The following PDHX variants were observed in gnomAD, a reference collection of about 807,000 sequenced individuals.
The protein encoded by PDHX is pyruvate dehydrogenase protein X component, mitochondrial.
Under a neutral mutation model 55.3 loss-of-function variants are expected in PDHX, and 33 were observed. The ratio of observed to expected loss-of-function variants is 0.60; its 90% CI spans 0.45 to 0.80. The LOEUF (loss-of-function observed/expected upper bound fraction) is 0.80, where lower values mean the gene tolerates loss of function less well. Among genes scored for constraint, PDHX ranks in the 30% least tolerant of loss-of-function variants. The pLI, the probability that PDHX is intolerant of heterozygous loss-of-function variation, is 0.00. For missense variants in PDHX, 622 were observed against 619.9 expected, an observed-to-expected ratio of 1.00 and a Z score of -0.04; for synonymous variants, 226 against 219.4, an observed-to-expected ratio of 1.03 and a Z score of -0.27.
intron 10 of PDHX, among the ~76,000 whole-genome samples, chr11:34,994,087 T>C (rs1855811412): frequency 6.6e-6 from 1 of 152,214 alleles, no homozygotes; most frequent in African/African-American, 2.4e-5. Flanking sequence ...ATATGAGAAA[T>C]GCATTGTTAG....
At chr11:34,967,307 T>A (rs11032956) in intron 6 of PDHX, among the ~76,000 whole-genome samples, 8,165 of 152,278 alleles carry the variant, frequency 0.054, 319 homozygotes, top group African/African-American at 0.11. Context: ...GTTTTACAGA[T>A]TTCCTATCAG....
intron 3 of PDHX, among the ~76,000 whole-genome samples, chr11:34,953,851 G>A (rs1051899996): frequency 1.1e-4 from 16 of 152,166 alleles, no homozygotes; most frequent in Non-Finnish European, 2.1e-4. Context: ...TCAGAAGGTT[G>A]TTAGGATTAA....
At chr11:34,991,553 C>T (rs576504399) in intron 9 of PDHX, among the ~76,000 whole-genome samples, 8 of 152,030 alleles carry the variant, frequency 5.3e-5, no homozygotes, top group South Asian at 4.2e-4. Context: ...AAGATAAAAA[C>T]GGAATGTTGG....
chr11:34,980,415 A>T (rs1305732473), intron 8 of PDHX, among the ~76,000 whole-genome samples: 2 of 142,694 alleles, frequency 1.4e-5, no homozygotes, highest in Non-Finnish European at 3.0e-5. Flanking sequence ...AAGCTTCCAC[A>T]GCATGGAAGG....
chr11:34,939,068 T>C (rs894055345), intron 2 of PDHX, among the ~76,000 whole-genome samples: 4 of 152,234 alleles, frequency 2.6e-5, no homozygotes, highest in East Asian at 1.9e-4. Flanking sequence ...TTAACACTTA[T>C]TTACTGTATA....
intron 2 of PDHX, among the ~76,000 whole-genome samples, chr11:34,940,919 T>TTTA (rs2133956033): frequency 6.6e-6 from 1 of 152,378 alleles, no homozygotes; most frequent in Admixed American, 6.5e-5. Flanking sequence ...TTATATTCCA[T>TTTA]CATTATGCGT....
chr11:34,933,292 A>G (rs569390035), intron 2 of PDHX, among the ~76,000 whole-genome samples: 35 of 152,188 alleles, frequency 2.3e-4, no homozygotes, highest in Non-Finnish European at 4.1e-4. Flanking sequence ...TTACATAACC[A>G]TACAGAGAGG....
intron 1 of PDHX, among the ~76,000 whole-genome samples, chr11:34,923,353 T>G (rs1377688400): frequency 6.6e-6 from 1 of 152,186 alleles, no homozygotes; most frequent in African/African-American, 2.4e-5. Flanking sequence ...AGAGATTTCT[T>G]GGGAATATAT....
At chr11:34,970,105 G>C in intron 6 of PDHX, 34 bp from the exon 7 acceptor site, 1 of 1,601,364 alleles carries the variant, frequency 6.2e-7, no homozygotes, top group South Asian at 1.1e-5. Context: ...TATTCCACTT[G>C]TGGTTTAACG....
intron 9 of PDHX, 132 bp from the exon 10 acceptor site, chr11:34,992,183 T>C: frequency 1.6e-6 from 1 of 613,082 alleles, no homozygotes. Flanking sequence ...GAGAAAATTA[T>C]TTTTATATAG....
At chr11:34,934,944 AT>A (rs1294714093) in intron 2 of PDHX, among the ~76,000 whole-genome samples, 2 of 149,704 alleles carry the variant, frequency 1.3e-5, no homozygotes, top group Admixed American at 6.6e-5. Flanking sequence ...AAAAAAAAAA[AT>A]CTCACCTATA....
chr11:34,993,850 A>G (rs545356153), intron 10 of PDHX, among the ~76,000 whole-genome samples: 19 of 152,154 alleles, frequency 1.2e-4, no homozygotes, highest in Non-Finnish European at 2.2e-4. Context: ...TCCTTACAGT[A>G]TTGAGTATTC....
chr11:34,981,240 A>G (rs1198064404), intron 8 of PDHX, among the ~76,000 whole-genome samples: 2 of 152,146 alleles, frequency 1.3e-5, no homozygotes, highest in Non-Finnish European at 2.9e-5. Context: ...TATGAGTGAC[A>G]ACATGCGGTG....
intron 2 of PDHX, among the ~76,000 whole-genome samples, chr11:34,932,866 T>G (rs554507979): frequency 2.0e-5 from 3 of 152,106 alleles, no homozygotes; most frequent in Non-Finnish European, 4.4e-5. Flanking sequence ...CAGGATTTGT[T>G]GAATAACTTT....
chr11:34,936,949 C>G (rs552952365), intron 2 of PDHX, among the ~76,000 whole-genome samples: 1 of 151,738 alleles, frequency 6.6e-6, no homozygotes. Flanking sequence ...CCACCATGCC[C>G]AGCTAATTTT....
intron 2 of PDHX, among the ~76,000 whole-genome samples, chr11:34,933,810 T>C (rs1854234816): frequency 6.6e-6 from 1 of 152,074 alleles, no homozygotes; most frequent in South Asian, 2.1e-4. Flanking sequence ...CTTAAAGGAC[T>C]CAGGAGCCAG....
intron 6 of PDHX, among the ~76,000 whole-genome samples, chr11:34,968,676 G>A (rs1178602492): frequency 3.9e-5 from 6 of 152,164 alleles, no homozygotes; most frequent in Non-Finnish European, 8.8e-5. Context: ...TGAATTGCCT[G>A]TATAGAAGGT....
intron 2 of PDHX, among the ~76,000 whole-genome samples, chr11:34,944,577 T>TG (rs1174099126): frequency 6.6e-6 from 1 of 152,234 alleles, no homozygotes; most frequent in East Asian, 1.9e-4. Context: ...CCTGAAGATA[T>TG]AACTATCAAT....
At chr11:34,982,809 A>G (rs1855548268) in intron 8 of PDHX, among the ~76,000 whole-genome samples, 1 of 152,186 alleles carries the variant, frequency 6.6e-6, no homozygotes, top group Admixed American at 6.5e-5. Context: ...AAAGTCCAGG[A>G]CCAGATGGAT....
Sources: allele counts gnomAD v4.1 joint callset (sites outside exome capture counted in the v4.1 genomes callset), GRCh38; gene constraint gnomAD v4.1.1; transcripts MANE v1.5; gene names NCBI Gene and HGNC (gene_info 2026-07-23, HGNC 2026-07-21).